The following FBXL7 variants were observed in gnomAD, a reference collection of about 807,000 sequenced individuals.
FBXL7 encodes the protein F-box and leucine rich repeat protein 7.
FBXL7 carries 12 observed loss-of-function variants against 38.3 expected under a neutral mutation model. The ratio of observed to expected loss-of-function variants is 0.31; its 90% confidence interval spans 0.20 to 0.51. The LOEUF is 0.51. Ranked by LOEUF, FBXL7 falls within the 20% of genes least tolerant of loss-of-function variation. The probability of loss-of-function intolerance (pLI) is 0.98; values close to 1 mark genes in which losing one functional copy is unlikely to be tolerated. For synonymous variants in FBXL7, 297 were observed against 300.9 expected (o/e 0.99, Z 0.13); for missense variants, 567 against 676.4 (o/e 0.84, Z 1.79).
chr5:15,529,428 C>G (rs77363357), intron 1 of FBXL7, among the ~76,000 whole-genome samples: 1,699 of 151,990 alleles, frequency 0.011, 28 homozygotes, highest in African/African-American at 0.038. Flanking sequence ...CTCAGTCTCC[C>G]AGGCTGGAGT....
At chr5:15,705,422 A>G (rs1743652592) in intron 2 of FBXL7, among the ~76,000 whole-genome samples, 2 of 152,182 alleles carry the variant, frequency 1.3e-5, no homozygotes, top group African/African-American at 2.4e-5. Context: ...TCCCTAGAAC[A>G]GTGTTTGCCT....
intron 2 of FBXL7, among the ~76,000 whole-genome samples, chr5:15,627,329 C>T (rs1188467844): frequency 2.0e-5 from 3 of 152,060 alleles, no homozygotes; most frequent in Admixed American, 2.0e-4. Context: ...ATCAGGACAC[C>T]CTCATGGAAG....
intron 2 of FBXL7, among the ~76,000 whole-genome samples, chr5:15,880,593 T>C (rs1008472259): frequency 2.6e-5 from 4 of 151,946 alleles, no homozygotes; most frequent in African/African-American, 7.2e-5. Context: ...TTCATTTTTC[T>C]ACTAATTCGT....
At chr5:15,662,861 G>T (rs895782428) in intron 2 of FBXL7, among the ~76,000 whole-genome samples, 4 of 152,074 alleles carry the variant, frequency 2.6e-5, no homozygotes, top group Non-Finnish European at 5.9e-5. Context: ...TGGTCTGTGT[G>T]TCTGTTTTTG....
intron 1 of FBXL7, among the ~76,000 whole-genome samples, chr5:15,520,079 T>C (rs1228523273): frequency 1.3e-5 from 2 of 152,220 alleles, no homozygotes; most frequent in African/African-American, 2.4e-5. Flanking sequence ...CTTCCTGATA[T>C]ATTGCCATGG....
chr5:15,615,844 A>C (rs1265127833), intron 1 of FBXL7, 139 bp from the exon 2 acceptor site: 3 of 527,180 alleles, frequency 5.7e-6, no homozygotes, highest in Non-Finnish European at 1.0e-5. Context: ...GGCAAAAAAA[A>C]ACTTAATAAA....
intron 2 of FBXL7, among the ~76,000 whole-genome samples, chr5:15,746,093 G>A (rs964369437): frequency 6.6e-6 from 1 of 152,216 alleles, no homozygotes; most frequent in African/African-American, 2.4e-5. Context: ...TGCACTGGGT[G>A]TAGAGTGTGG....
chr5:15,928,325 T>C lies in FBXL7; in HGVS notation c.563T>C (p.Leu188Pro). ...GACACCCCCAACGTGTGTCTCATGCTGGAAACCGTAACTGTCAGTGGCTGC... is the reference window on the plus strand; with the variant it reads ...GACACCCCCAACGTGTGTCTCATGCCGGAAACCGTAACTGTCAGTGGCTGC... The part of the protein sequence containing the change: ...CQDTPNVCLM[L>P]ETVTVSGCRR... Residue 188 changes from leucine to proline, a missense_variant, in exon 3 of 4, where the codon CTG becomes CCG. Coordinates refer to ENST00000504595, the MANE Select transcript of FBXL7 (RefSeq NM_012304.5). The surrounding 1 kb of genome is among the most constrained non-coding windows in gnomAD (Gnocchi z 4.0). 6.2e-7 allele frequency: 1 copy of C among 1,613,904 alleles called. No individual in the cohort carries two copies. The highest frequency in any genetic ancestry group is 8.5e-7 in the Non-Finnish European group (1 of 1,179,848).
At chr5:15,889,247 G>A (rs1740805271) in intron 2 of FBXL7, among the ~76,000 whole-genome samples, 1 of 152,154 alleles carries the variant, frequency 6.6e-6, no homozygotes, top group African/African-American at 2.4e-5. Flanking sequence ...AAGATTCACA[G>A]GCTGAGAGAT....
intron 2 of FBXL7, among the ~76,000 whole-genome samples, chr5:15,884,409 G>A (rs867060811): frequency 4.6e-5 from 7 of 152,124 alleles, no homozygotes; most frequent in Non-Finnish European, 5.9e-5. Flanking sequence ...TGGGACTACA[G>A]GTACCTGCTA....
chr5:15,803,560 A>C (rs1737625979), intron 2 of FBXL7, among the ~76,000 whole-genome samples: 2 of 128,756 alleles, frequency 1.6e-5, no homozygotes, highest in South Asian at 2.6e-4. Flanking sequence ...TCCCTCTTTC[A>C]TTCTCCCTCC....
chr5:15,611,395 T>C (rs1582998), intron 1 of FBXL7, among the ~76,000 whole-genome samples: 21,894 of 151,416 alleles, frequency 0.14, 2,035 homozygotes, highest in East Asian at 0.5. Context: ...AAGAGCTGTA[T>C]AGTGTTCCTA....
At chr5:15,818,640 C>T (rs1005576878) in intron 2 of FBXL7, among the ~76,000 whole-genome samples, 1 of 150,482 alleles carries the variant, frequency 6.6e-6, no homozygotes, top group Non-Finnish European at 1.5e-5. Context: ...GTAAAATCTA[C>T]ATAATAAAAT....
chr5:15,899,585 C>T (rs958083107), intron 2 of FBXL7, among the ~76,000 whole-genome samples: 1 of 151,970 alleles, frequency 6.6e-6, no homozygotes, highest in Non-Finnish European at 1.5e-5. Context: ...ACCAAAAAAC[C>T]CTAGTTTTGC....
At chr5:15,536,126 G>A (rs1737575364) in intron 1 of FBXL7, among the ~76,000 whole-genome samples, 1 of 152,256 alleles carries the variant, frequency 6.6e-6, no homozygotes, top group Non-Finnish European at 1.5e-5. Flanking sequence ...TAAGAGTTGA[G>A]GTCTGGGAAC....
At chr5:15,919,504 A>C (rs1296322981) in intron 2 of FBXL7, among the ~76,000 whole-genome samples, 1 of 152,216 alleles carries the variant, frequency 6.6e-6, no homozygotes, top group Non-Finnish European at 1.5e-5. Flanking sequence ...AGAATAAAAA[A>C]CATACTGTTC....
intron 2 of FBXL7, among the ~76,000 whole-genome samples, chr5:15,628,677 CAT>C (rs1740897650): frequency 6.6e-6 from 1 of 152,158 alleles, no homozygotes; most frequent in South Asian, 2.1e-4. Flanking sequence ...TTTCTTCCAT[CAT>C]ATATAGCAGT....
chr5:15,675,078 A>T (rs987912160), intron 2 of FBXL7, among the ~76,000 whole-genome samples: 1 of 152,230 alleles, frequency 6.6e-6, no homozygotes, highest in Non-Finnish European at 1.5e-5. Context: ...TCCAAACTAA[A>T]TCAGCAATCA....
At chr5:15,915,778 T>C (rs564222183) in intron 2 of FBXL7, among the ~76,000 whole-genome samples, 2 of 151,934 alleles carry the variant, frequency 1.3e-5, no homozygotes, top group Admixed American at 1.3e-4. Context: ...ATTAGTAAGG[T>C]GAAGGGTGGG....
Sources: gnomAD v4.1 joint callset for allele counts (sites outside exome capture counted in the v4.1 genomes callset) on GRCh38, gnomAD v4.1.1 for gene constraint, Gnocchi (gnomAD v3.1) non-coding constraint, MANE v1.5 for transcripts, NCBI Gene and HGNC (gene_info 2026-07-23, HGNC 2026-07-21) for gene names.